Variants in C13orf42 observed in about 807,000 individuals in gnomAD.
C13orf42 encodes the protein chromosome 13 open reading frame 42, also known as uncharacterized protein C13orf42.
upstream of C13orf42, among the ~76,000 whole-genome samples, chr13:51,114,905 A>C (rs1953474964): frequency 6.6e-6 from 1 of 152,216 alleles, no homozygotes; most frequent in South Asian, 2.1e-4. Context: ...AAAAGGAGGG[A>C]GATGGATAAC....
At chr13:51,084,686 T>C (rs913635112) in intron 3 of C13orf42, among the ~76,000 whole-genome samples, 1 of 152,350 alleles carries the variant, frequency 6.6e-6, no homozygotes, top group South Asian at 2.1e-4. Context: ...GGCCCTTCCG[T>C]TGTGACAGGC....
chr13:51,153,469 AGAGACT>A (rs1245329024), intron 1 of C13orf42, among the ~76,000 whole-genome samples: 1 of 152,076 alleles, frequency 6.6e-6, no homozygotes, highest in Admixed American at 6.5e-5. Flanking sequence ...AGACAGAGAT[AGAGACT>A]GTGAGAGAGA....
At chr13:51,099,842 T>C (rs1235241971) in intron 1 of C13orf42, among the ~76,000 whole-genome samples, 1 of 152,220 alleles carries the variant, frequency 6.6e-6, no homozygotes, top group African/African-American at 2.4e-5. Flanking sequence ...TGTTAGCCCC[T>C]TGTAACTCCT....
At chr13:51,109,382 C>A (rs796676011) in intron 1 of C13orf42, among the ~76,000 whole-genome samples, 22 of 152,302 alleles carry the variant, frequency 1.4e-4, no homozygotes, top group African/African-American at 5.3e-4. Flanking sequence ...CTTCAAACAT[C>A]TCATCTGGTC....
chr13:51,114,651 T>TAGAG (rs1555266732), upstream of C13orf42, among the ~76,000 whole-genome samples: 3 of 142,484 alleles, frequency 2.1e-5, no homozygotes, highest in South Asian at 2.2e-4. Flanking sequence ...TAGATAGAGA[T>TAGAG]AGACAGACAG....
intron 1 of C13orf42, among the ~76,000 whole-genome samples, chr13:51,165,190 C>T (rs1265292767): frequency 6.6e-6 from 1 of 152,200 alleles, no homozygotes; most frequent in Non-Finnish European, 1.5e-5. Context: ...CCCAGACCCT[C>T]CTGGCTGAGC....
chr13:51,128,371 T>C (rs990030282), intron 1 of C13orf42, among the ~76,000 whole-genome samples: 2 of 152,180 alleles, frequency 1.3e-5, no homozygotes, highest in East Asian at 1.9e-4. Flanking sequence ...TGTTGAACCA[T>C]GCAAGGGATG....
At chr13:51,166,374 A>G (rs937624654) in intron 1 of C13orf42, among the ~76,000 whole-genome samples, 2 of 143,850 alleles carry the variant, frequency 1.4e-5, no homozygotes, top group African/African-American at 5.1e-5. Context: ...ATTCTCACTC[A>G]TAGGTGGGAA....
At chr13:51,102,623 A>G (rs1953306256) in intron 1 of C13orf42, among the ~76,000 whole-genome samples, 1 of 152,228 alleles carries the variant, frequency 6.6e-6, no homozygotes, top group African/African-American at 2.4e-5. Context: ...TAGTTCATTC[A>G]GGCAGACATA....
chr13:51,161,279 G>T (rs1953862329), intron 1 of C13orf42, among the ~76,000 whole-genome samples: 1 of 151,728 alleles, frequency 6.6e-6, no homozygotes, highest in East Asian at 2.0e-4. Flanking sequence ...CTCCTACTAA[G>T]TATGCTGCTA....
intron 1 of C13orf42, among the ~76,000 whole-genome samples, chr13:51,134,916 C>A (rs1035703568): frequency 3.9e-5 from 6 of 152,236 alleles, no homozygotes; most frequent in African/African-American, 1.4e-4. Context: ...GAGCCACCAG[C>A]CGCAGCGGGG....
At chr13:51,142,867 G>A (rs1241120176) in intron 1 of C13orf42, among the ~76,000 whole-genome samples, 1 of 151,946 alleles carries the variant, frequency 6.6e-6, no homozygotes, top group Admixed American at 6.5e-5. Flanking sequence ...TAAAAAGGAG[G>A]GATGTTCAGA....
At chr13:51,102,211 C>T (rs545575570) in intron 1 of C13orf42, among the ~76,000 whole-genome samples, 2 of 152,280 alleles carry the variant, frequency 1.3e-5, no homozygotes, top group African/African-American at 4.8e-5. Context: ...TCACAGAAAA[C>T]CTGCATTTTA....
chr13:51,153,334 C>T (rs1953794961), intron 1 of C13orf42, among the ~76,000 whole-genome samples: 1 of 151,964 alleles, frequency 6.6e-6, no homozygotes, highest in South Asian at 2.1e-4. Flanking sequence ...CCCCTGCATG[C>T]CCAGGGCATC....
chr13:51,104,250 C>T (rs2408332), intron 1 of C13orf42, among the ~76,000 whole-genome samples: 132,773 of 152,254 alleles, frequency 0.87, 58,186 homozygotes, highest in African/African-American at 0.95. Flanking sequence ...TTATTATACA[C>T]TTATATAAAT....
At chr13:51,119,131 C>T (rs1016248124) in intron 1 of C13orf42, among the ~76,000 whole-genome samples, 1 of 151,916 alleles carries the variant, frequency 6.6e-6, no homozygotes, top group African/African-American at 2.4e-5. Context: ...TATGGCATGC[C>T]CAGGTGTACA....
At chr13:51,129,093 T>C (rs1313165817) in intron 1 of C13orf42, among the ~76,000 whole-genome samples, 1 of 152,220 alleles carries the variant, frequency 6.6e-6, no homozygotes, top group Non-Finnish European at 1.5e-5. Context: ...ATGTTAATTA[T>C]CCGCAAGTGT....
upstream of C13orf42, among the ~76,000 whole-genome samples, chr13:51,113,581 TGTG>T (rs386770976): frequency 2.6e-5 from 4 of 152,064 alleles, no homozygotes; most frequent in Admixed American, 6.5e-5. Context: ...TGTGTGTGTG[TGTG>T]TGTGTGTGTA....
intron 1 of C13orf42, among the ~76,000 whole-genome samples, chr13:51,129,098 A>G (rs1953596441): frequency 6.6e-6 from 1 of 152,164 alleles, no homozygotes; most frequent in Non-Finnish European, 1.5e-5. Context: ...AATTATCCGC[A>G]AGTGTCTTTA....
Sources: gnomAD v4.1 joint callset for allele counts (sites outside exome capture counted in the v4.1 genomes callset) on GRCh38, gnomAD v4.1.1 for gene constraint, MANE v1.5 for transcripts, NCBI Gene and HGNC (gene_info 2026-07-23, HGNC 2026-07-21) for gene names.